FGF12: variants seen among roughly 807,000 people sequenced by gnomAD.
FGF12 encodes fibroblast growth factor 12B.
In FGF12, 14 loss-of-function variants were observed where a neutral mutation model predicts 23.6. That is an observed-to-expected ratio of 0.59 (90% confidence interval 0.39 to 0.93). FGF12 has a LOEUF of 0.93. FGF12 is among the 40% of genes least tolerant of loss of function. The probability of loss-of-function intolerance (pLI) is 0.00; values close to 1 mark genes in which losing one functional copy is unlikely to be tolerated. For missense variants in FGF12, 175 were observed against 217.8 expected (o/e 0.80, Z 1.24); for synonymous variants, 62 against 77.3 (o/e 0.80, Z 1.04).
At chr3:192,467,607 A>G (rs552174281) in intron 2 of FGF12, among the ~76,000 whole-genome samples, 86 of 152,314 alleles carry the variant, frequency 5.6e-4, no homozygotes, top group African/African-American at 1.9e-3. Flanking sequence ...ATGTCAAGAA[A>G]CACAGCTACA....
intron 2 of FGF12, among the ~76,000 whole-genome samples, chr3:192,702,260 A>G (rs778353163): frequency 3.3e-5 from 5 of 152,086 alleles, no homozygotes; most frequent in Non-Finnish European, 5.9e-5. Flanking sequence ...TCATCCATTT[A>G]CCTTTCTATG....
intron 4 of FGF12, among the ~76,000 whole-genome samples, chr3:192,330,925 A>G (rs1717081195): frequency 6.6e-6 from 1 of 152,182 alleles, no homozygotes; most frequent in Non-Finnish European, 1.5e-5. Flanking sequence ...GGTAGCCTAC[A>G]GAATGGGAGA....
At chr3:192,551,319 T>C (rs1711523749) in intron 2 of FGF12, among the ~76,000 whole-genome samples, 1 of 152,160 alleles carries the variant, frequency 6.6e-6, no homozygotes, top group Non-Finnish European at 1.5e-5. Context: ...TAGCTAGAAT[T>C]TGTGTGGCCA....
chr3:192,404,968 A>T (rs1720905377), intron 2 of FGF12, among the ~76,000 whole-genome samples: 1 of 152,202 alleles, frequency 6.6e-6, no homozygotes, highest in Non-Finnish European at 1.5e-5. Context: ...TTGACAGAAG[A>T]CATCCAGTTA....
Position 192,692,708 on chromosome 3 carries a change from T to TC in FGF12, c.13+34472dup, listed in dbSNP as rs1252649492. Among the ~76,000 whole-genome samples the TC allele has an allele frequency of 2.4e-3, 333 of 136,668 alleles. 5 individuals are homozygous for TC. The highest frequency in any genetic ancestry group is 1.0e-3 in the Non-Finnish European group (67 of 66,528). 89.7% of individuals were successfully genotyped at this position (136,668 alleles called of 152,430 possible). ...TGGGTGACAGAGTCAGCAGACCCTG[T>TC]CTAAAAAAAAAAAAAAAAATCATTT... On this transcript the variant is annotated intron_variant, in intron 2 of 5. Transcript: ENST00000445105.
chr3:192,170,252 T>C (rs1489962546), intron 5 of FGF12, among the ~76,000 whole-genome samples: 2 of 142,538 alleles, frequency 1.4e-5, no homozygotes, highest in East Asian at 4.1e-4. Context: ...TGCATTCTAG[T>C]GTGGGCGACA....
chr3:192,725,736 A>G (rs1239800173), intron 2 of FGF12, among the ~76,000 whole-genome samples: 1 of 152,246 alleles, frequency 6.6e-6, no homozygotes, highest in Non-Finnish European at 1.5e-5. Context: ...ACTGTTTCAT[A>G]GTAAAATGAT....
At chr3:192,403,570 C>G (rs1230576297) in intron 2 of FGF12, among the ~76,000 whole-genome samples, 1 of 149,420 alleles carries the variant, frequency 6.7e-6, no homozygotes, top group Non-Finnish European at 1.5e-5. Flanking sequence ...TAACAAAAAT[C>G]AAGCCAAATA....
chr3:192,519,789 TATCA>T (rs1373994507), intron 2 of FGF12, among the ~76,000 whole-genome samples: 1 of 152,236 alleles, frequency 6.6e-6, no homozygotes, highest in Non-Finnish European at 1.5e-5. Context: ...TATTTATTTA[TATCA>T]GTATGGCCTC....
intron 2 of FGF12, among the ~76,000 whole-genome samples, chr3:192,486,855 CAA>C (rs1488738195): frequency 6.6e-6 from 1 of 151,990 alleles, no homozygotes; most frequent in Non-Finnish European, 1.5e-5. Flanking sequence ...TATTCAGAGC[CAA>C]AACTGTCTTA....
At chr3:192,283,928 C>T (rs1342214807) in intron 4 of FGF12, among the ~76,000 whole-genome samples, 2 of 152,046 alleles carry the variant, frequency 1.3e-5, no homozygotes, top group Admixed American at 6.6e-5. Context: ...CTCCTTCTTT[C>T]CTGCTCTACC....
intron 4 of FGF12, among the ~76,000 whole-genome samples, chr3:192,300,036 C>T (rs1320357656): frequency 6.6e-6 from 1 of 152,174 alleles, no homozygotes; most frequent in South Asian, 2.1e-4. Context: ...GGCCTATTTT[C>T]TCTATGGATT....
At chr3:192,420,770 C>A (rs1560106216) in intron 2 of FGF12, among the ~76,000 whole-genome samples, 1 of 152,090 alleles carries the variant, frequency 6.6e-6, no homozygotes, top group Non-Finnish European at 1.5e-5. Context: ...AAATGCCCAA[C>A]CTCAGGTATT....
At chr3:192,426,119 C>G (rs1288383773) in intron 2 of FGF12, among the ~76,000 whole-genome samples, 1 of 152,176 alleles carries the variant, frequency 6.6e-6, no homozygotes, top group Non-Finnish European at 1.5e-5. Context: ...ACATAACACA[C>G]AGCATGGACT....
chr3:192,640,827 G>A (rs1715769164), intron 2 of FGF12, among the ~76,000 whole-genome samples: 1 of 145,226 alleles, frequency 6.9e-6, no homozygotes, highest in Non-Finnish European at 1.5e-5. Context: ...TTGTTTGTTT[G>A]TGTGAGACAG....
intron 2 of FGF12, among the ~76,000 whole-genome samples, chr3:192,461,779 A>G (rs1722868689): frequency 6.6e-6 from 1 of 152,204 alleles, no homozygotes; most frequent in Non-Finnish European, 1.5e-5. Flanking sequence ...ATCTGAGGTC[A>G]GGAGTTTGAG....
chr3:192,315,322 T>TCTCTACAG (rs1716173535), intron 4 of FGF12, among the ~76,000 whole-genome samples: 1 of 152,202 alleles, frequency 6.6e-6, no homozygotes, highest in Non-Finnish European at 1.5e-5. Flanking sequence ...AGAGCCAACT[T>TCTCTACAG]CTCTACAGAC....
intron 2 of FGF12, among the ~76,000 whole-genome samples, chr3:192,523,829 G>T (rs966904297): frequency 1.3e-5 from 2 of 152,256 alleles, no homozygotes; most frequent in African/African-American, 4.8e-5. Context: ...TGAAGCCTGT[G>T]GTAATGATAG....
chr3:192,507,334 T>TACACACACAC (rs35433581), intron 2 of FGF12, among the ~76,000 whole-genome samples: 8 of 144,624 alleles, frequency 5.5e-5, no homozygotes, highest in Non-Finnish European at 1.2e-4. Context: ...TTTGACCAAA[T>TACACACACAC]ACACACACAC....
Sources: allele counts gnomAD v4.1 joint callset (sites outside exome capture counted in the v4.1 genomes callset), GRCh38; gene constraint gnomAD v4.1.1; transcripts MANE v1.5; gene names NCBI Gene and HGNC (gene_info 2026-07-23, HGNC 2026-07-21).